Variants in NEDD4L observed in about 807,000 individuals in gnomAD.
NEDD4L encodes the protein E3 ubiquitin-protein ligase NEDD4-like.
A neutral mutation model predicts 148.9 loss-of-function variants in NEDD4L; 54 were observed. The ratio of observed to expected loss-of-function variants is 0.36; its 90% CI spans 0.29 to 0.45. The LOEUF is 0.45. NEDD4L is among the 20% of genes least tolerant of loss of function. The pLI is 1.00. For synonymous variants in NEDD4L, 433 were observed against 440.7 expected (o/e 0.98, Z 0.22); for missense variants, 856 against 1,233.8 (o/e 0.69, Z 4.59).
intron 1 of NEDD4L, chr18:58,045,275 C>A: frequency 2.5e-6 from 1 of 396,964 alleles, no homozygotes; most frequent in South Asian, 1.4e-4. Context: ...AAGTCTACGG[C>A]CAGGATTGTG....
chr18:58,254,497 T>TA (rs2048276972), intron 5 of NEDD4L, among the ~76,000 whole-genome samples: 1 of 151,004 alleles, frequency 6.6e-6, no homozygotes, highest in Non-Finnish European at 1.5e-5. Context: ...GCTGACTTCT[T>TA]ACTGGAAAAC....
intron 8 of NEDD4L, 118 bp downstream of exon 8, chr18:58,323,452 A>G (rs927823825): frequency 4.7e-6 from 3 of 633,668 alleles, no homozygotes; most frequent in African/African-American, 3.7e-5. Context: ...AAAAAAGTAC[A>G]TATGTCCGCA....
intron 1 of NEDD4L, among the ~76,000 whole-genome samples, chr18:58,147,199 G>T (rs1160885658): frequency 6.6e-6 from 1 of 152,126 alleles, no homozygotes; most frequent in Non-Finnish European, 1.5e-5. Flanking sequence ...GTGAGAGTGC[G>T]GTTGAGCTGG....
intron 2 of NEDD4L, among the ~76,000 whole-genome samples, chr18:58,196,635 ATTAATCTGTC>A (rs1390168009): frequency 2.0e-5 from 3 of 151,574 alleles, no homozygotes; most frequent in African/African-American, 7.3e-5. Context: ...AGATGTAGAA[ATTAATCTGTC>A]TTTTTCTTTG....
intron 5 of NEDD4L, among the ~76,000 whole-genome samples, chr18:58,300,686 C>T (rs2056345455): frequency 6.6e-6 from 1 of 152,150 alleles, no homozygotes; most frequent in African/African-American, 2.4e-5. Flanking sequence ...GTCAGAGAGT[C>T]CCAGCTCAGT....
chr18:58,382,780 A>G (rs545474694), intron 24 of NEDD4L, among the ~76,000 whole-genome samples: 106 of 152,326 alleles, frequency 7.0e-4, no homozygotes, highest in African/African-American at 2.5e-3. Flanking sequence ...TGGATCCTTA[A>G]GCTTCTTTCT....
intron 1 of NEDD4L, among the ~76,000 whole-genome samples, chr18:58,104,624 T>G (rs2084957041): frequency 6.6e-6 from 1 of 152,262 alleles, no homozygotes; most frequent in South Asian, 2.1e-4. Flanking sequence ...TCCAGGGTTT[T>G]AAATGGCAAC....
chr18:58,149,063 C>T (rs993328381), intron 1 of NEDD4L, among the ~76,000 whole-genome samples: 4 of 152,116 alleles, frequency 2.6e-5, no homozygotes, highest in African/African-American at 4.8e-5. Context: ...TGTCTGATTA[C>T]GTAAACTGAA....
chr18:58,215,875 T>A (rs2043110772), intron 2 of NEDD4L, among the ~76,000 whole-genome samples: 1 of 151,960 alleles, frequency 6.6e-6, no homozygotes, highest in African/African-American at 2.4e-5. Flanking sequence ...ATATGTAATA[T>A]ATGTTTCTGA....
intron 5 of NEDD4L, among the ~76,000 whole-genome samples, chr18:58,286,931 A>T (rs373065764): frequency 1.4e-4 from 22 of 152,182 alleles, no homozygotes; most frequent in South Asian, 4.1e-4. Flanking sequence ...AAGGCCAAGG[A>T]TATATGGGGA....
intron 13 of NEDD4L, 81 bp from the exon 14 acceptor site, chr18:58,340,957 A>G (rs2042339743): frequency 1.4e-6 from 2 of 1,381,042 alleles, no homozygotes; most frequent in South Asian, 1.4e-5. Context: ...GAAAATAATT[A>G]TCTGGGTGTA....
chr18:58,255,087 G>A (rs1025223324), intron 5 of NEDD4L, among the ~76,000 whole-genome samples: 63 of 152,188 alleles, frequency 4.1e-4, no homozygotes, highest in African/African-American at 1.4e-3. Flanking sequence ...GGAAAATACC[G>A]TGTGTGCTGT....
intron 1 of NEDD4L, among the ~76,000 whole-genome samples, chr18:58,061,199 T>C (rs2082316196): frequency 6.6e-6 from 1 of 152,130 alleles, no homozygotes; most frequent in African/African-American, 2.4e-5. Flanking sequence ...GCTGCCGAGG[T>C]TGAGAAACCC....
At chr18:58,109,358 T>G (rs2085272540) in intron 1 of NEDD4L, among the ~76,000 whole-genome samples, 4 of 152,188 alleles carry the variant, frequency 2.6e-5, no homozygotes, top group Admixed American at 1.3e-4. Flanking sequence ...TGCATTAACA[T>G]TTGAATTAAT....
chr18:58,108,729 T>A (rs917688958), intron 1 of NEDD4L, among the ~76,000 whole-genome samples: 2 of 152,234 alleles, frequency 1.3e-5, no homozygotes, highest in Non-Finnish European at 2.9e-5. Context: ...CCTACTGTTA[T>A]TATTTTAATT....
At chr18:58,174,073 C>T (rs4340401) in intron 2 of NEDD4L, among the ~76,000 whole-genome samples, 37,854 of 151,890 alleles carry the variant, frequency 0.25, 5,482 homozygotes, top group East Asian at 0.43. Context: ...TTCAGTGGTT[C>T]CCGAGTTCTT....
At chr18:58,250,949 G>A (rs2047850380) in intron 4 of NEDD4L, among the ~76,000 whole-genome samples, 1 of 152,156 alleles carries the variant, frequency 6.6e-6, no homozygotes, top group African/African-American at 2.4e-5. Context: ...GGAAAAGGAA[G>A]CAAAAAGATA....
chr18:58,266,294 T>C (rs2050210775), intron 5 of NEDD4L, among the ~76,000 whole-genome samples: 1 of 152,094 alleles, frequency 6.6e-6, no homozygotes, highest in South Asian at 2.1e-4. Flanking sequence ...CTGTGAAGGA[T>C]GATACATTTC....
At chr18:58,346,284 A>G (rs1453060277) in intron 16 of NEDD4L, among the ~76,000 whole-genome samples, 1 of 152,224 alleles carries the variant, frequency 6.6e-6, no homozygotes, top group African/African-American at 2.4e-5. Flanking sequence ...AAGCACTGAC[A>G]TGACACTCAA....
Sources: allele counts gnomAD v4.1 joint callset (sites outside exome capture counted in the v4.1 genomes callset), GRCh38; gene constraint gnomAD v4.1.1; transcripts MANE v1.5; gene names NCBI Gene and HGNC (gene_info 2026-07-23, HGNC 2026-07-21).